TTN: variants seen among roughly 807,000 people sequenced by gnomAD.
The protein encoded by TTN is titin, also known as connectin.
Under a neutral mutation model 3,223.0 loss-of-function variants are expected in TTN, and 1,525 were observed. The observed-to-expected ratio is 0.47, with a 90% CI of 0.45 to 0.49. TTN has a LOEUF of 0.49. Among genes scored for constraint, TTN ranks in the 20% least tolerant of loss-of-function variants. TTN has a pLI of 0.00. For synonymous variants in TTN, 14,094 were observed against 15,161.0 expected (o/e 0.93, Z 5.17); for missense variants, 40,786 against 43,424.0 (o/e 0.94, Z 5.40).
chr2:178,582,503 C>T lies in TTN; in HGVS notation c.65953G>A (p.Gly21985Ser). The change falls in exon 314 of 363, where the codon GGC becomes AGC. Residue 21985 changes from glycine (G) to serine (S), a missense_variant. Physicochemically the swap from Gly to Ser is moderately conservative, Grantham distance 56 (BLOSUM62 0). Transcript: ENST00000589042. ...ACAATATAGTTGGTGATTTCTGAGC[C>T]TCCATCTTCAAGAGGCGGTTCCCAA... ...LSWEPPLEDGGSEITNYIVDK... is the reference protein window; with the variant it reads ...LSWEPPLEDGSSEITNYIVDK... The T allele has an allele frequency of 6.2e-7, 1 of 1,612,950 alleles. No homozygotes were observed. The highest frequency in any genetic ancestry group is 8.5e-7 in the Non-Finnish European group (1 of 1,179,302).
At chr2:178,757,227 A>ATACTGGACTTGCTT (rs1553968975) in intron 45 of TTN, among the ~76,000 whole-genome samples, 1 of 150,194 alleles carries the variant, frequency 6.7e-6, no homozygotes, top group Non-Finnish European at 1.5e-5. Context: ...ACAGTAAGTA[A>ATACTGGACTTGCTT]TAATCAGCAA....
chr2:178,694,433 A>G, intron 117 of TTN, 166 bp downstream of exon 117: 1 of 515,888 alleles, frequency 1.9e-6, no homozygotes, highest in East Asian at 3.1e-5. Context: ...TAATGTTACT[A>G]TTTAAATTAA....
At chr2:178,786,359 TA>T in intron 13 of TTN, among the ~76,000 whole-genome samples, 1 of 152,222 alleles carries the variant, frequency 6.6e-6, no homozygotes, top group South Asian at 2.1e-4. Flanking sequence ...TTAATTATAC[TA>T]GACATTAAAT....
In TTN at chr2:178,736,005, A is replaced by G; in HGVS notation, c.14441T>C (p.Phe4814Ser). The change falls in exon 50 of 363, where the codon TTC (phenylalanine) becomes TCC (serine). Residue 4814 changes from phenylalanine (F) to serine (S), a missense_variant. By Grantham distance (155) the Phe-to-Ser change is radical. Transcript: ENST00000589042. Reference protein sequence around the residue: ...LTTFVGKAAKFICTVTGTPVI... With the variant: ...LTTFVGKAAKSICTVTGTPVI... ...AGGAGTCCCTGTCACTGTGCAGATG[A>G]ACTTGGCTGCCTTACCCACAAAAGT... The G allele has an allele frequency of 6.2e-7, 1 of 1,613,190 alleles. No individual in the cohort carries two copies. Among genetic ancestry groups the G allele is most frequent in the Non-Finnish European group, 8.5e-7 (1 of 1,179,354 alleles).
In TTN at chr2:178,785,854, T is replaced by A. The variant is rs764696151; in HGVS notation, c.2364A>T (p.Ser788=). The change falls in exon 14 of 363, where the codon TCA becomes TCT. Residue 788 remains serine (S), a synonymous_variant. Transcript: ENST00000589042. ...KTTDQKGMHI[S]SQIKKTTDLT... is the part of the protein sequence containing the mutation. ...TCAGCAGGTATAGACTCACCTGTGA[T>A]GATATGTGCATTCCCTTTTGATCAG... 1 of 1,614,032 alleles carries A rather than the reference T, an allele frequency of 6.2e-7. No homozygotes were observed. Among genetic ancestry groups the A allele is most frequent in the South Asian group, 1.1e-5 (1 of 91,074 alleles).
At position 178,675,988 on chromosome 2, in the gene TTN, T is replaced by G; in HGVS notation, c.34386A>C (p.Glu11462Asp). The G allele has an allele frequency of 6.3e-7, 1 of 1,598,694 alleles. No homozygotes were observed. The highest frequency in any genetic ancestry group is 1.1e-5 in the South Asian group (1 of 88,534). ...TCTTCTCTGTCACTTTCTTCTTAAT[T>G]TCAGGCACTTTAAAGACATCATTTC... ...VEPPPPPKVP[E>D]IKKKVTEKKV... The change falls in exon 148 of 363, where the codon GAA (glutamate) becomes GAC (aspartate). Residue 11462 changes from glutamate to aspartate, a missense_variant. Glu to Asp is a conservative substitution (Grantham distance 45). Coordinates refer to ENST00000589042, the MANE Select transcript of TTN (RefSeq NM_001267550.2).
At chr2:178,784,439 T>C in intron 15 of TTN, 88 bp from the exon 16 acceptor site, 2 of 1,518,794 alleles carry the variant, frequency 1.3e-6, no homozygotes, top group East Asian at 2.3e-5. Context: ...CTATTTTCTA[T>C]AAGGTCTGTT....
intron 238 of TTN, 104 bp from the exon 239 acceptor site, chr2:178,630,471 G>C (rs1457040589): frequency 7.3e-7 from 1 of 1,367,184 alleles, no homozygotes; most frequent in Non-Finnish European, 9.9e-7. Context: ...AATAAATGGT[G>C]ATGAAACTTT....
Position 178,538,847 on chromosome 2 carries a change from A to G in TTN, c.98990-8T>C, listed in dbSNP as rs1553507751. ...CTGGTTGGCTTGGTTTATCTGAAAT[A>G]TTTTAAAATAATGAAAAGGGAGTCA... On this transcript the variant is annotated splice_polypyrimidine_tract_variant and splice_region_variant and intron_variant, in intron 353 of 362. Coordinates refer to ENST00000589042, the MANE Select transcript of TTN (RefSeq NM_001267550.2). 1 of 1,592,526 alleles carries G rather than the reference A, an allele frequency of 6.3e-7. No individual in the cohort carries two copies. Among genetic ancestry groups the G allele is most frequent in the Non-Finnish European group, 8.6e-7 (1 of 1,169,560 alleles).
chr2:178,724,186 T>C (rs1412631876), intron 72 of TTN, 43 bp from the exon 73 acceptor site: 31 of 1,584,560 alleles, frequency 2.0e-5, no homozygotes, highest in Non-Finnish European at 2.4e-5. Flanking sequence ...TTTGAAAGAA[T>C]AGAAGAGACT....
Position 178,594,623 on chromosome 2 carries a change from G to C in TTN, c.57871C>G (p.Leu19291Val), listed in dbSNP as rs773843429. The change falls in exon 296 of 363, where the codon CTG becomes GTG. Residue 19291 changes from leucine to valine, a missense_variant. Transcript: ENST00000589042. ...PITVPERPED[L>V]EVKEVTKNTV... ...TTTTTAGTAACTTCTTTGACTTCCA[G>C]GTCTTCAGGACGCTCTGGTACAGCT... 2 of 1,610,948 alleles carry C rather than the reference G, an allele frequency of 1.2e-6. No homozygotes were observed. Among genetic ancestry groups the C allele is most frequent in the South Asian group, 2.2e-5 (2 of 90,638 alleles).
At position 178,618,064 on chromosome 2, in the gene TTN, A is replaced by C; in HGVS notation, c.47287T>G (p.Leu15763Val). Residue 15763 changes from leucine to valine, a missense_variant, in exon 253 of 363, where the codon TTG becomes GTG. Transcript: ENST00000589042. ...TTCACATCAGTGATGGTTACATTCA[A>C]AGGAGGGCCTGGAACATCTGGATTT... ...RSKYDVPGPP[L>V]NVTITDVNRF... 6.2e-7 allele frequency: 1 copy of C among 1,612,280 alleles called. No homozygotes were observed. The highest frequency in any genetic ancestry group is 8.5e-7 in the Non-Finnish European group (1 of 1,179,062).
In TTN at chr2:178,557,256, A is replaced by C. The variant is rs1701872687; in HGVS notation, c.88006T>G (p.Cys29336Gly). ...CCTTCCCATGACAAATACGTACCAC[A>C]AGCATCAATTGCCAAGACTGGTTCA... ...PSEPVLAIDACEPPRNVRITD... is the reference protein window; with the variant it reads ...PSEPVLAIDAGEPPRNVRITD... Residue 29336 changes from cysteine (C) to glycine (G), a missense_variant, in exon 329 of 363, where the codon TGT (cysteine) becomes GGT (glycine). Cys to Gly is a radical substitution (Grantham distance 159). Transcript: ENST00000589042. The C allele has an allele frequency of 6.2e-7, 1 of 1,613,868 alleles. No individual in the cohort carries two copies. The highest frequency in any genetic ancestry group is 8.5e-7 in the Non-Finnish European group (1 of 1,179,850).
At position 178,573,077 on chromosome 2, in the gene TTN, C is replaced by A. The variant is rs1708827755; in HGVS notation, c.73055G>T (p.Gly24352Val). ...AACCATATACCCAGTGATTTCTGAA[C>A]CACCATCATAGATAGGTTTATTCCA... Reference protein sequence around the residue: ...IAWNKPIYDGGSEITGYMVEI... With the variant: ...IAWNKPIYDGVSEITGYMVEI... Residue 24352 changes from glycine (G) to valine (V), a missense_variant, in exon 326 of 363, where the codon GGT (glycine) becomes GTT (valine). Gly to Val is a moderately radical substitution (Grantham distance 109). Coordinates refer to ENST00000589042, the MANE Select transcript of TTN (RefSeq NM_001267550.2). The A allele has an allele frequency of 6.2e-7, 1 of 1,613,274 alleles. No homozygotes were observed. Among genetic ancestry groups the A allele is most frequent in the Non-Finnish European group, 8.5e-7 (1 of 1,179,542 alleles).
Position 178,723,488 on chromosome 2 carries a change from A to G in TTN, c.21612T>C (p.Ser7204=). 15 of 1,613,324 alleles carry G rather than the reference A, an allele frequency of 9.3e-6. No homozygotes were observed. Among genetic ancestry groups the G allele is most frequent in the Non-Finnish European group, 1.2e-5 (14 of 1,179,592 alleles). The change falls in exon 74 of 363, where the codon AGT becomes AGC. Residue 7204 remains serine (S), a synonymous_variant. Coordinates refer to ENST00000589042, the MANE Select transcript of TTN (RefSeq NM_001267550.2). The part of the protein sequence containing the change: ...LELFNIDISQ[S]GEYTCVVSNN... ...TAGAAACCACACAGGTGTATTCCCC[A>G]CTCTGAGATATGTCAATATTAAATA...
chr2:178,746,315 C>T (rs1040718047), intron 47 of TTN: 1 of 1,612,594 alleles, frequency 6.2e-7, no homozygotes, highest in Admixed American at 1.7e-5. Context: ...TTCTCCCTCC[C>T]TTGAATCCAT....
chr2:178,620,298 G>A lies in TTN; in HGVS notation c.46223C>T (p.Ala15408Val). Residue 15408 changes from alanine to valine, a missense_variant, in exon 248 of 363, where the codon GCT (alanine) becomes GTT (valine). Transcript: ENST00000589042. ...TCTGGAGAGCTGGCAGGAGAAGACA[G>A]CGTCATCGAACTCAGTGACTGTCTG... ...EDQTVTEFDD[A>V]VFSCQLSREK... is the part of the protein sequence containing the mutation. The A allele has an allele frequency of 3.2e-6, 5 of 1,565,862 alleles. No individual in the cohort carries two copies. Among genetic ancestry groups the A allele is most frequent in the Non-Finnish European group, 4.3e-6 (5 of 1,155,852 alleles).
chr2:178,712,767 A>G lies in TTN; in HGVS notation c.27258T>C (p.Ser9086=). 1 of 1,613,812 alleles carries G rather than the reference A, an allele frequency of 6.2e-7. No homozygotes were observed. The highest frequency in any genetic ancestry group is 2.2e-5 in the East Asian group (1 of 44,860). ...TGCTAACTATGCAAGTATATTCTCC[A>G]CTTTGTGATGTATCTACATCGAACA... The part of the protein sequence containing the change: ...LELFDVDTSQ[S]GEYTCIVSNE... The change falls in exon 94 of 363, where the codon AGT becomes AGC. Residue 9086 remains serine, a synonymous_variant. Coordinates refer to ENST00000589042, the MANE Select transcript of TTN (RefSeq NM_001267550.2).
chr2:178,555,337 G>A (rs1031266150), intron 330 of TTN, 185 bp from the exon 331 acceptor site: 5 of 591,030 alleles, frequency 8.5e-6, no homozygotes, highest in African/African-American at 1.9e-5. Context: ...CTCAGATGGG[G>A]TAGAAAGACT....
Sources: gnomAD v4.1 joint callset for allele counts (sites outside exome capture counted in the v4.1 genomes callset) on GRCh38, gnomAD v4.1.1 for gene constraint, MANE v1.5 for transcripts, NCBI Gene and HGNC (gene_info 2026-07-23, HGNC 2026-07-21) for gene names.